Variants in ZNF682 observed in about 807,000 individuals in gnomAD.
ZNF682 encodes zinc finger protein 682.
A neutral mutation model predicts 36.5 loss-of-function variants in ZNF682; 29 were observed. The ratio of observed to expected loss-of-function variants is 0.80; its 90% CI spans 0.59 to 1.08. The LOEUF (loss-of-function observed/expected upper bound fraction) is 1.08. Ranked by LOEUF, ZNF682 falls within the 50% of genes least tolerant of loss-of-function variation. The pLI, the probability that ZNF682 is intolerant of heterozygous loss-of-function variation, is 0.00. For missense variants in ZNF682, 561 were observed against 579.7 expected, an observed-to-expected ratio of 0.97 and a Z score of 0.33; for synonymous variants, 180 against 197.0, an observed-to-expected ratio of 0.91 and a Z score of 0.72.
chr19:20,013,250 A>G (rs2088306023), intron 3 of ZNF682, among the ~76,000 whole-genome samples: 1 of 152,046 alleles, frequency 6.6e-6, no homozygotes, highest in African/African-American at 2.4e-5. Context: ...AAAGAAGGAC[A>G]TTATATAATA....
At chr19:19,999,172 A>G (rs1432164306) in intron 3 of ZNF682, among the ~76,000 whole-genome samples, 3 of 152,074 alleles carry the variant, frequency 2.0e-5, no homozygotes, top group African/African-American at 4.8e-5. Context: ...CACATTTCCA[A>G]CCCCTACAAG....
chr19:20,023,379 C>T (rs1000485633), intron 2 of ZNF682, among the ~76,000 whole-genome samples: 1 of 151,800 alleles, frequency 6.6e-6, no homozygotes, highest in Non-Finnish European at 1.5e-5. Flanking sequence ...TGCCTGTAAT[C>T]CCAGCTGCTT....
intron 1 of ZNF682, among the ~76,000 whole-genome samples, chr19:20,038,798 T>C (rs1336417177): frequency 6.6e-6 from 1 of 152,208 alleles, no homozygotes; most frequent in Non-Finnish European, 1.5e-5. Flanking sequence ...AGTCAGTTAC[T>C]GAATTCGGTT....
At chr19:20,008,486 T>C (rs1328683060) in intron 3 of ZNF682, among the ~76,000 whole-genome samples, 1 of 152,198 alleles carries the variant, frequency 6.6e-6, no homozygotes, top group African/African-American at 2.4e-5. Flanking sequence ...GCAATACTGG[T>C]TGCAAACCCA....
chr19:19,995,471 C>T (rs1294387574), downstream of ZNF682, among the ~76,000 whole-genome samples: 1 of 151,994 alleles, frequency 6.6e-6, no homozygotes, highest in Non-Finnish European at 1.5e-5. Flanking sequence ...GCTCAAGGAA[C>T]GCAAAAAGGT....
At chr19:20,003,318 G>A (rs912399054), downstream of ZNF682, among the ~76,000 whole-genome samples, 1 of 149,842 alleles carries the variant, frequency 6.7e-6, no homozygotes, top group African/African-American at 2.5e-5. Context: ...GAAATTACAT[G>A]TTCAAATTAT....
exon 4 of ZNF682, chr19:19,997,173 A>G (rs1372119564): frequency 7.5e-6 from 3 of 398,592 alleles, no homozygotes; most frequent in Non-Finnish European, 1.3e-5. Flanking sequence ...AGGATCCTCC[A>G]GGTTTCCAGG....
intron 1 of ZNF682, among the ~76,000 whole-genome samples, chr19:20,034,979 C>A (rs1209314813): frequency 7.9e-6 from 1 of 126,408 alleles, no homozygotes; most frequent in East Asian, 2.2e-4. Flanking sequence ...GCCTGTAATC[C>A]CAGCTACTCA....
intron 1 of ZNF682, among the ~76,000 whole-genome samples, chr19:20,031,543 T>A (rs1442504681): frequency 6.6e-6 from 1 of 152,258 alleles, no homozygotes; most frequent in East Asian, 1.9e-4. Context: ...AGTGCTTATA[T>A]GCAGATTCTA....
chr19:20,028,243 T>C (rs1340556501), intron 1 of ZNF682, among the ~76,000 whole-genome samples: 1 of 117,144 alleles, frequency 8.5e-6, no homozygotes, highest in Admixed American at 8.8e-5. Context: ...AGTCTTACTC[T>C]GTCGCCCAGG....
downstream of ZNF682, among the ~76,000 whole-genome samples, chr19:19,996,305 C>T (rs540954810): frequency 3.7e-4 from 56 of 152,160 alleles, no homozygotes; most frequent in Admixed American, 7.9e-4. Flanking sequence ...GGTTATCTAC[C>T]ATTTGTTCCA....
chr19:20,019,260 C>T (rs767337402), intron 3 of ZNF682, among the ~76,000 whole-genome samples: 10 of 152,014 alleles, frequency 6.6e-5, no homozygotes, highest in African/African-American at 1.9e-4. Flanking sequence ...AAAAGTGTTA[C>T]GGATATGGAA....
rs139952083 is a variant in ZNF682 at position 20,036,065 on chromosome 19, C to G, written c.3+3278G>C. ...AAATACTCTTTAATTTAAATGGATG[C>G]AGTTTGTCTACACAAGAGTACATAT... On this transcript the variant is annotated intron_variant, in intron 1 of 3. Coordinates refer to ENST00000397165, the MANE Select transcript of ZNF682 (RefSeq NM_033196.3). Among the ~76,000 whole-genome samples the G allele has an allele frequency of 7.0e-4, 107 of 152,184 alleles. 2 individuals are homozygous for G. The highest frequency in any genetic ancestry group is 2.5e-3 in the African/African-American group (104 of 41,538).
chr19:20,005,975 A>G lies in ZNF682; in HGVS notation c.*30T>C. ...TTATGGAATTTGCCACATTCTTTAC[A>G]TTTGTAGGATTTCTCTTTAGTAAAA... On this transcript the variant is annotated 3_prime_UTR_variant, in exon 4 of 4. Transcript: ENST00000397165. The G allele has an allele frequency of 6.5e-7, 1 of 1,544,962 alleles. No homozygotes were observed. The highest frequency in any genetic ancestry group is 1.3e-5 in the South Asian group (1 of 79,192).
chr19:20,012,452 A>T (rs549043198), intron 3 of ZNF682, among the ~76,000 whole-genome samples: 1 of 152,190 alleles, frequency 6.6e-6, no homozygotes, highest in Non-Finnish European at 1.5e-5. Context: ...CTGACAAGGA[A>T]CTAATGTTCA....
At chr19:20,011,637 G>A (rs2088289184) in intron 3 of ZNF682, among the ~76,000 whole-genome samples, 1 of 152,162 alleles carries the variant, frequency 6.6e-6, no homozygotes, top group African/African-American at 2.4e-5. Context: ...ATAGCAAGAG[G>A]AACCCTCAAA....
intron 3 of ZNF682, among the ~76,000 whole-genome samples, chr19:20,013,333 A>G (rs1055045076): frequency 6.6e-6 from 1 of 152,110 alleles, no homozygotes; most frequent in African/African-American, 2.4e-5. Context: ...CCAAATATAT[A>G]AAGTAAACAT....
At chr19:20,038,077 A>G (rs547736355) in intron 1 of ZNF682, among the ~76,000 whole-genome samples, 41 of 152,320 alleles carry the variant, frequency 2.7e-4, no homozygotes, top group Admixed American at 1.8e-3. Flanking sequence ...AAACCAGGAA[A>G]ATAACACAGG....
At chr19:20,034,354 C>T (rs2088507652) in intron 1 of ZNF682, 1 of 152,174 alleles carries the variant, frequency 6.6e-6, no homozygotes, top group African/African-American at 2.4e-5. Flanking sequence ...AGGAAACCAA[C>T]GTTGTTCACA....
Sources: gnomAD v4.1 joint callset for allele counts (sites outside exome capture counted in the v4.1 genomes callset) on GRCh38, gnomAD v4.1.1 for gene constraint, MANE v1.5 for transcripts, NCBI Gene and HGNC (gene_info 2026-07-23, HGNC 2026-07-21) for gene names.